The following SLC9A4 variants were observed in gnomAD, a reference collection of about 807,000 sequenced individuals.
SLC9A4 encodes solute carrier family 9 member A4.
A neutral mutation model predicts 67.4 loss-of-function variants in SLC9A4; 63 were observed. The observed-to-expected ratio is 0.93, with a 90% confidence interval of 0.76 to 1.15. The LOEUF (loss-of-function observed/expected upper bound fraction) is 1.15. SLC9A4 is among the 50% of genes most tolerant of loss of function. The pLI is 0.00. For missense variants in SLC9A4, 1,089 were observed against 987.7 expected, an observed-to-expected ratio of 1.10 and a Z score of -1.38; for synonymous variants, 393 against 367.2, an observed-to-expected ratio of 1.07 and a Z score of -0.80.
chr2:102,525,268 A>C, intron 10 of SLC9A4, 113 bp downstream of exon 10: 1 of 1,487,726 alleles, frequency 6.7e-7, no homozygotes, highest in Non-Finnish European at 9.1e-7. Context: ...TTAAACAAAC[A>C]AAACCCCACC....
chr2:102,500,015 G>A (rs1354503978), intron 2 of SLC9A4, among the ~76,000 whole-genome samples: 1 of 152,198 alleles, frequency 6.6e-6, no homozygotes, highest in East Asian at 1.9e-4. Flanking sequence ...GGCTGGAATA[G>A]TGTCCCCTCA....
intron 4 of SLC9A4, among the ~76,000 whole-genome samples, chr2:102,506,384 T>C (rs938563532): frequency 6.6e-6 from 1 of 152,220 alleles, no homozygotes; most frequent in African/African-American, 2.4e-5. Flanking sequence ...TGATAACCTA[T>C]CTTGAACATA....
Position 102,532,713 on chromosome 2 carries a change from G to C in SLC9A4, c.*25G>C, listed in dbSNP as rs368273806. 5.0e-5 allele frequency: 80 copies of C among 1,591,790 alleles called. No homozygotes were observed. In the African/African-American group the frequency reaches 9.0e-4, roughly 18 times the overall value. On this transcript the variant is annotated 3_prime_UTR_variant, in exon 12 of 12. Transcript: ENST00000295269. ...GTGTTATTGTCCACAAGATTGTTTT[G>C]GTGTTTCTCAAGAGTCTGTCTTCCT...
chr2:102,514,536 A>G (rs377130777), intron 8 of SLC9A4, among the ~76,000 whole-genome samples: 1 of 152,192 alleles, frequency 6.6e-6, no homozygotes, highest in Admixed American at 6.5e-5. Flanking sequence ...GAATTGCAGC[A>G]TATTTTACAA....
rs34552153 is a variant in SLC9A4, at chr2:102,483,841, T to TACAC, written c.720+4547_720+4550dup. ...ATATATATATATATATATATATATATACACACACACAATATACACACACAT... is the reference window on the plus strand; with the variant it reads ...ATATATATATATATATATATATATATACACACACACACACAATATACACACACAT... On this transcript the variant is annotated intron_variant, in intron 2 of 11. Coordinates refer to ENST00000295269, the MANE Select transcript of SLC9A4 (RefSeq NM_001011552.4). Among the ~76,000 whole-genome samples the TACAC allele has an allele frequency of 2.2e-3, 285 of 126,676 alleles. 1 individual carries two copies. Among genetic ancestry groups the TACAC allele is most frequent in the African/African-American group, 7.5e-3 (241 of 32,170 alleles). The allele number at this position is 126,676 out of a possible 152,430, so 83.1% of individuals were successfully genotyped here. A position where few individuals can be genotyped will look rare whatever the true frequency, so the allele number is the denominator to read the frequency against.
chr2:102,521,269 C>T (rs1017091700), intron 9 of SLC9A4, among the ~76,000 whole-genome samples: 10 of 152,178 alleles, frequency 6.6e-5, no homozygotes, highest in African/African-American at 2.4e-4. Context: ...AACTGCTCAT[C>T]CTTTCTTTTC....
intron 10 of SLC9A4, 37 bp downstream of exon 10, chr2:102,525,192 G>C (rs1024798): frequency 0.77 from 1,235,301 of 1,612,002 alleles, 476,467 homozygotes; most frequent in African/African-American, 0.94. Flanking sequence ...TTCCTTCAGT[G>C]TGCAAGTGTT....
Position 102,479,291 on chromosome 2 carries a change from G to T in SLC9A4, c.709G>T (p.Gly237Cys). 1 of 1,608,986 alleles carries T rather than the reference G, an allele frequency of 6.2e-7. No individual in the cohort carries two copies. ...CTTTGGGGAGGCCCTGCTCAATGAT[G>T]GCATTACTGTGGTGAGATGTCATGT... ...MIFGEALLND[G>C]ITVVLYNMLI... is the part of the protein sequence containing the mutation. Residue 237 changes from glycine to cysteine, a missense_variant, in exon 2 of 12, where the codon GGC becomes TGC. Coordinates refer to ENST00000295269, the MANE Select transcript of SLC9A4 (RefSeq NM_001011552.4).
chr2:102,511,889 T>G (rs192151116), intron 6 of SLC9A4, among the ~76,000 whole-genome samples: 1 of 152,130 alleles, frequency 6.6e-6, no homozygotes, highest in Non-Finnish European at 1.5e-5. Context: ...CTCCGAGTGA[T>G]TTCAGTAATG....
In SLC9A4 at chr2:102,509,597, C is replaced by G. The variant is rs151134475; in HGVS notation, c.1488+664C>G. Among the ~76,000 whole-genome samples the G allele has an allele frequency of 2.6e-4, 40 of 152,328 alleles. 1 individual carries two copies. The highest frequency in any genetic ancestry group is 9.1e-4 in the African/African-American group (38 of 41,570). On this transcript the variant is annotated intron_variant, in intron 6 of 11. Transcript: ENST00000295269. ...CCTTCTATCCCAATACCCCAAAAGT[C>G]TCAATACACTGCATCATCAATTCAA...
Position 102,505,243 on chromosome 2 carries a change from T to G in SLC9A4, c.981-11T>G. On this transcript the variant is annotated splice_polypyrimidine_tract_variant and intron_variant, in intron 3 of 11. Coordinates refer to ENST00000295269, the MANE Select transcript of SLC9A4 (RefSeq NM_001011552.4). ...TCATGGATTTTCTCTGAGACTCTGC[T>G]CCTTTTATAGAATCACAGCCTGCGC... 6.2e-7 allele frequency: 1 copy of G among 1,612,130 alleles called. No individual in the cohort carries two copies. Among genetic ancestry groups the G allele is most frequent in the Non-Finnish European group, 8.5e-7 (1 of 1,178,948 alleles).
intron 2 of SLC9A4, among the ~76,000 whole-genome samples, chr2:102,498,301 C>A (rs1684853084): frequency 6.6e-6 from 1 of 152,184 alleles, no homozygotes; most frequent in Admixed American, 6.5e-5. Flanking sequence ...ATTATATGTA[C>A]TACTTTAGCT....
intron 6 of SLC9A4, 97 bp from the exon 7 acceptor site, chr2:102,512,106 T>A: frequency 7.7e-7 from 1 of 1,306,204 alleles, no homozygotes; most frequent in Non-Finnish European, 1.1e-6. Context: ...TCCAGAAAAT[T>A]AAAGGCTCCT....
At chr2:102,497,580 A>AAG (rs1558664180) in intron 2 of SLC9A4, among the ~76,000 whole-genome samples, 1 of 152,222 alleles carries the variant, frequency 6.6e-6, no homozygotes, top group Non-Finnish European at 1.5e-5. Context: ...TAAGCCCGAA[A>AAG]AAAGGAGTTC....
rs182965523 is a variant in SLC9A4 at position 102,479,240 on chromosome 2, G to A, written c.658G>A (p.Val220Met). The change falls in exon 2 of 12, where the codon GTG (valine) becomes ATG (methionine). Residue 220 changes from valine (V) to methionine (M), a missense_variant. Transcript: ENST00000295269. ...GCTAGCCGTGTTTGAGGAAGCGCGC[G>A]TGAACGAGCAGCTCTACATGATGAT... ...AVLAVFEEAR[V>M]NEQLYMMIFG... 229 of 1,614,138 alleles carry A rather than the reference G, an allele frequency of 1.4e-4. 2 individuals are homozygous for A. In the East Asian group the frequency reaches 4.0e-3, roughly 28 times the overall value.
chr2:102,528,402 T>C (rs920363351), intron 11 of SLC9A4, among the ~76,000 whole-genome samples: 8 of 87,228 alleles, frequency 9.2e-5, no homozygotes, highest in African/African-American at 3.4e-4. Flanking sequence ...TCACAGTTCT[T>C]TCTTTTTTTT....
At chr2:102,499,726 A>G (rs1238581939) in intron 2 of SLC9A4, among the ~76,000 whole-genome samples, 3 of 152,352 alleles carry the variant, frequency 2.0e-5, no homozygotes, top group Admixed American at 6.5e-5. Flanking sequence ...AGGCAAGCCT[A>G]TTATAACCTT....
intron 11 of SLC9A4, among the ~76,000 whole-genome samples, chr2:102,526,649 T>C (rs1225444916): frequency 6.6e-6 from 1 of 152,226 alleles, no homozygotes; most frequent in East Asian, 1.9e-4. Flanking sequence ...GTAGGCCAGA[T>C]AGAGACCAAG....
chr2:102,530,852 C>T (rs913495420), intron 11 of SLC9A4, among the ~76,000 whole-genome samples: 2 of 152,076 alleles, frequency 1.3e-5, no homozygotes, highest in African/African-American at 4.8e-5. Context: ...TCCAAGTTAG[C>T]TTCTTAGTAT....
Sources: gnomAD v4.1 joint callset for allele counts (sites outside exome capture counted in the v4.1 genomes callset) on GRCh38, gnomAD v4.1.1 for gene constraint, MANE v1.5 for transcripts, NCBI Gene and HGNC (gene_info 2026-07-23, HGNC 2026-07-21) for gene names.